Variants in CACNB4 observed in about 807,000 individuals in gnomAD.
The protein encoded by CACNB4 is voltage-dependent L-type calcium channel subunit beta-4.
In CACNB4, 32 loss-of-function variants were observed where a neutral mutation model predicts 71.2. That is an observed-to-expected ratio of 0.45 (90% confidence interval 0.34 to 0.60). The LOEUF (loss-of-function observed/expected upper bound fraction) is 0.60, where lower values mean the gene tolerates loss of function less well. Among genes scored for constraint, CACNB4 ranks in the 20% least tolerant of loss-of-function variants. The pLI is 0.01. For synonymous variants in CACNB4, 231 were observed against 236.9 expected (o/e 0.97, Z 0.23); for missense variants, 464 against 647.9 (o/e 0.72, Z 3.08).
At chr2:151,890,393 A>G (rs1043287183) in intron 2 of CACNB4, among the ~76,000 whole-genome samples, 21 of 152,238 alleles carry the variant, frequency 1.4e-4, no homozygotes, top group Non-Finnish European at 2.9e-4. Context: ...ATGTTTGCTC[A>G]TCCCTTACTA....
At chr2:151,956,160 T>C (rs564948852) in intron 2 of CACNB4, among the ~76,000 whole-genome samples, 12 of 152,320 alleles carry the variant, frequency 7.9e-5, no homozygotes, top group African/African-American at 2.9e-4. Flanking sequence ...ATACTTGTAG[T>C]ATACATCAAA....
At chr2:151,913,623 A>G (rs4549085) in intron 2 of CACNB4, among the ~76,000 whole-genome samples, 144,802 of 151,978 alleles carry the variant, frequency 0.95, 69,358 homozygotes, top group East Asian at 1. Context: ...AAAAATCGCC[A>G]GGGGTGGTGA....
intron 2 of CACNB4, among the ~76,000 whole-genome samples, chr2:152,052,217 G>A (rs966677205): frequency 3.3e-5 from 5 of 152,198 alleles, no homozygotes; most frequent in African/African-American, 7.2e-5. Flanking sequence ...ATTTTAACAC[G>A]AAGCCTATTT....
At chr2:152,048,167 T>A (rs190963701) in intron 2 of CACNB4, among the ~76,000 whole-genome samples, 32 of 152,240 alleles carry the variant, frequency 2.1e-4, no homozygotes, top group Admixed American at 1.2e-3. Context: ...TCTGACAGCA[T>A]CCCTGGTCTC....
intron 2 of CACNB4, among the ~76,000 whole-genome samples, chr2:152,074,788 G>A (rs1481729170): frequency 1.3e-5 from 2 of 150,790 alleles, no homozygotes; most frequent in African/African-American, 4.9e-5. Context: ...CCCTTACCAA[G>A]CACCATCACC....
chr2:152,072,354 A>G (rs779980582), intron 2 of CACNB4, among the ~76,000 whole-genome samples: 26 of 152,242 alleles, frequency 1.7e-4, no homozygotes, highest in Non-Finnish European at 3.7e-4. Context: ...GAGAGATCCA[A>G]CGTGGCTAGG....
At position 152,098,049 on chromosome 2, in the gene CACNB4, T is replaced by G. The variant is rs1688368132; in HGVS notation, c.147+281A>C. Among the ~76,000 whole-genome samples the G allele has an allele frequency of 2.0e-5, 3 of 152,252 alleles. No homozygotes were observed. In the South Asian group the frequency reaches 6.2e-4, roughly 31 times the overall value. On this transcript the variant is annotated intron_variant, in intron 2 of 13. Transcript: ENST00000539935. The surrounding 1 kb of genome is among the most constrained non-coding windows in gnomAD (Gnocchi z 5.3). ...ATACAACCAGACATATTTCCAGCTC[T>G]TAAATTCAACGTCCCTGACTTAAGC...
intron 2 of CACNB4, among the ~76,000 whole-genome samples, chr2:152,001,526 T>TAAAAAAAA (rs70974816): frequency 2.8e-4 from 10 of 35,488 alleles, no homozygotes; most frequent in Non-Finnish European, 3.0e-4. Context: ...CCATCTCTAC[T>TAAAAAAAA]AAAAAAAAAA....
At chr2:152,042,264 T>TG (rs1038755552) in intron 2 of CACNB4, among the ~76,000 whole-genome samples, 5 of 152,214 alleles carry the variant, frequency 3.3e-5, no homozygotes, top group Non-Finnish European at 5.9e-5. Context: ...AACAGCATCT[T>TG]GCTCCTCTTC....
chr2:151,948,946 G>A (rs1462133586), intron 2 of CACNB4, among the ~76,000 whole-genome samples: 2 of 151,970 alleles, frequency 1.3e-5, no homozygotes, highest in East Asian at 1.9e-4. Flanking sequence ...TTGTTTAAAG[G>A]TAGATGTCAT....
At chr2:151,912,798 A>G (rs1304711706) in intron 2 of CACNB4, among the ~76,000 whole-genome samples, 1 of 152,170 alleles carries the variant, frequency 6.6e-6, no homozygotes, top group Non-Finnish European at 1.5e-5. Flanking sequence ...ATTGTGTGGG[A>G]GTCTAAGCCT....
intron 2 of CACNB4, among the ~76,000 whole-genome samples, chr2:151,884,943 AG>A (rs894971813): frequency 4.6e-5 from 7 of 152,096 alleles, no homozygotes; most frequent in African/African-American, 1.7e-4. Context: ...CTGTCCACTG[AG>A]TGGGGGAAAA....
At chr2:152,089,134 T>C (rs1268193380) in intron 2 of CACNB4, among the ~76,000 whole-genome samples, 3 of 152,186 alleles carry the variant, frequency 2.0e-5, no homozygotes, top group African/African-American at 7.2e-5. Flanking sequence ...GTCCATGTAG[T>C]CAAGTTCAGA....
At chr2:151,998,914 T>C (rs1543197) in intron 2 of CACNB4, among the ~76,000 whole-genome samples, 76,003 of 152,064 alleles carry the variant, frequency 0.5, 21,102 homozygotes, top group Non-Finnish European at 0.63. Flanking sequence ...TGTGAAAAGC[T>C]TTCCCCTGGA....
chr2:151,896,007 G>A (rs1449682955), intron 2 of CACNB4, among the ~76,000 whole-genome samples: 1 of 152,122 alleles, frequency 6.6e-6, no homozygotes, highest in Non-Finnish European at 1.5e-5. Flanking sequence ...ATGATATCCA[G>A]CTAATTTTTT....
intron 2 of CACNB4, among the ~76,000 whole-genome samples, chr2:151,884,652 A>G (rs1025983008): frequency 6.6e-6 from 1 of 151,602 alleles, no homozygotes; most frequent in African/African-American, 2.4e-5. Flanking sequence ...AAAAAAAAAA[A>G]AAAAAAAGTT....
intron 2 of CACNB4, among the ~76,000 whole-genome samples, chr2:151,944,183 G>A (rs1012055955): frequency 1.3e-5 from 2 of 151,790 alleles, no homozygotes; most frequent in Admixed American, 6.6e-5. Flanking sequence ...ACAAGCACAC[G>A]CCACCACACC....
At chr2:151,912,013 A>AT (rs1487133981) in intron 2 of CACNB4, among the ~76,000 whole-genome samples, 2 of 151,544 alleles carry the variant, frequency 1.3e-5, no homozygotes, top group Non-Finnish European at 1.5e-5. Context: ...GTCAGTGGGG[A>AT]TATCCCCTTT....
At chr2:151,866,380 C>T (rs2099843111) in intron 9 of CACNB4, 1 of 152,214 alleles carries the variant, frequency 6.6e-6, no homozygotes, top group Non-Finnish European at 1.5e-5. Flanking sequence ...TAACGTACTG[C>T]ATTCATAGCC....
Sources: gnomAD v4.1 joint callset for allele counts (sites outside exome capture counted in the v4.1 genomes callset) on GRCh38, gnomAD v4.1.1 for gene constraint, Gnocchi (gnomAD v3.1) non-coding constraint, MANE v1.5 for transcripts, NCBI Gene and HGNC (gene_info 2026-07-23, HGNC 2026-07-21) for gene names.